Variants in NPAS2 observed in about 807,000 individuals in gnomAD.
NPAS2 encodes the protein neuronal PAS domain protein 2.
A neutral mutation model predicts 107.5 loss-of-function variants in NPAS2; 23 were observed. The ratio of observed to expected loss-of-function variants is 0.21; its 90% CI spans 0.15 to 0.30. The LOEUF is 0.30. Among genes scored for constraint, NPAS2 ranks in the 10% least tolerant of loss-of-function variants. NPAS2 has a pLI of 1.00. For synonymous variants in NPAS2, 403 were observed against 417.5 expected (o/e 0.97, Z 0.42); for missense variants, 756 against 1,043.3 (o/e 0.72, Z 3.79).
intron 1 of NPAS2, among the ~76,000 whole-genome samples, chr2:100,862,698 T>C (rs933503388): frequency 6.6e-6 from 1 of 152,238 alleles, no homozygotes; most frequent in Non-Finnish European, 1.5e-5. Context: ...CCGTTCCTTT[T>C]TCACACCTGA....
intron 5 of NPAS2, among the ~76,000 whole-genome samples, chr2:100,942,175 T>G (rs1674614566): frequency 1.3e-5 from 2 of 152,092 alleles, no homozygotes; most frequent in African/African-American, 4.8e-5. Flanking sequence ...TCATGCTGGC[T>G]CGCCAGGTAC....
chr2:100,869,935 C>CG (rs1161106480), intron 1 of NPAS2, among the ~76,000 whole-genome samples: 3 of 137,788 alleles, frequency 2.2e-5, no homozygotes, highest in African/African-American at 8.2e-5. Flanking sequence ...GATGGAGTCT[C>CG]GCTCTGTCGC....
intron 1 of NPAS2, among the ~76,000 whole-genome samples, chr2:100,842,145 G>C (rs573480349): frequency 1.3e-5 from 2 of 151,936 alleles, no homozygotes; most frequent in South Asian, 4.1e-4. Context: ...CTGCAGCACT[G>C]TCTTCCTAGG....
chr2:100,839,755 A>AT (rs1313954471), intron 1 of NPAS2, among the ~76,000 whole-genome samples: 4 of 151,972 alleles, frequency 2.6e-5, no homozygotes, highest in Non-Finnish European at 5.9e-5. Flanking sequence ...AATCCTTCGA[A>AT]TTTTTTATGC....
In NPAS2 at chr2:100,863,717, GT is replaced by G. The variant is rs1173841933; in HGVS notation, c.-22-41009del. Among the ~76,000 whole-genome samples the G allele has an allele frequency of 6.6e-5, 10 of 152,214 alleles. No individual in the cohort carries two copies. The East Asian group carries it at 1.4e-3, about 21-fold the overall frequency. Reference sequence around the variant, plus strand: ...CATTTTCACGCAATGGTGAAGACATGTTTTTTTGTGCAAATATTTTATATCT... The same window carrying G: ...CATTTTCACGCAATGGTGAAGACATGTTTTTTGTGCAAATATTTTATATCT... On this transcript the variant is annotated intron_variant, in intron 1 of 20. Transcript: ENST00000335681.
intron 12 of NPAS2, among the ~76,000 whole-genome samples, chr2:100,974,396 G>A (rs1422280122): frequency 6.6e-6 from 1 of 152,154 alleles, no homozygotes; most frequent in East Asian, 1.9e-4. Flanking sequence ...AAGGACCCAG[G>A]AAGGTCCAAA....
intron 1 of NPAS2, among the ~76,000 whole-genome samples, chr2:100,894,757 T>A (rs938470131): frequency 6.7e-6 from 1 of 149,146 alleles, no homozygotes; most frequent in Non-Finnish European, 1.5e-5. Context: ...CAAGGAAGAG[T>A]CTTTGATGTG....
chr2:100,968,458 G>T lies in NPAS2; in HGVS notation c.1055+30G>T, dbSNP rs149009421. 1.2e-5 allele frequency: 19 copies of T among 1,604,526 alleles called. No individual in the cohort carries two copies. Among genetic ancestry groups the T allele is most frequent in the Non-Finnish European group, 1.5e-5 (18 of 1,173,468 alleles). ...CGCGCACGGGCAGGGGTGCGGCTGC[G>T]TCCTTGTCGCACCTGGGGGAGGGGT... is the stretch of plus-strand genomic sequence containing the variant. On this transcript the variant is annotated intron_variant, in intron 11 of 20. Transcript: ENST00000335681. This position sits in a 1 kb window ranked among gnomAD's most constrained non-coding sequence, Gnocchi z 5.3.
chr2:100,988,714 G>A (rs758093260), intron 17 of NPAS2: 51 of 327,098 alleles, frequency 1.6e-4, no homozygotes, highest in Non-Finnish European at 2.7e-4. Context: ...CTTGCCCCAG[G>A]TGCCCCCTGC....
intron 7 of NPAS2, among the ~76,000 whole-genome samples, chr2:100,956,195 G>A (rs560265761): frequency 9.2e-5 from 14 of 152,206 alleles, no homozygotes; most frequent in African/African-American, 2.9e-4. Context: ...CACAAGCCAC[G>A]CACCCGGCTT....
intron 1 of NPAS2, among the ~76,000 whole-genome samples, chr2:100,835,130 C>T (rs1676977847): frequency 6.6e-6 from 1 of 152,174 alleles, no homozygotes; most frequent in African/African-American, 2.4e-5. Flanking sequence ...CGAGTTTGCT[C>T]ATTTGCTTTG....
intron 1 of NPAS2, among the ~76,000 whole-genome samples, chr2:100,853,739 C>A (rs999739656): frequency 6.6e-6 from 1 of 152,036 alleles, no homozygotes; most frequent in Admixed American, 6.6e-5. Flanking sequence ...CAAAGGGGAG[C>A]CCCAGGGGCA....
At chr2:100,910,790 A>T (rs1682495702) in intron 2 of NPAS2, among the ~76,000 whole-genome samples, 1 of 152,060 alleles carries the variant, frequency 6.6e-6, no homozygotes, top group Non-Finnish European at 1.5e-5. Flanking sequence ...AGCCTCCCAT[A>T]ATGTTGGGAT....
intron 6 of NPAS2, among the ~76,000 whole-genome samples, chr2:100,948,990 C>A (rs912719250): frequency 6.6e-6 from 1 of 152,250 alleles, no homozygotes; most frequent in African/African-American, 2.4e-5. Context: ...TCTGTCCTGT[C>A]GTACATCTGA....
At chr2:100,992,419 T>G (rs1244796800) in intron 19 of NPAS2, among the ~76,000 whole-genome samples, 1 of 152,192 alleles carries the variant, frequency 6.6e-6, no homozygotes, top group African/African-American at 2.4e-5. Context: ...CAAAATCTCT[T>G]GTTGAATTGT....
intron 1 of NPAS2, among the ~76,000 whole-genome samples, chr2:100,835,843 C>G (rs905703206): frequency 6.6e-6 from 1 of 152,128 alleles, no homozygotes; most frequent in Non-Finnish European, 1.5e-5. Flanking sequence ...CAGGGTCACC[C>G]CAAAACATAT....
intron 1 of NPAS2, among the ~76,000 whole-genome samples, chr2:100,832,725 G>GC (rs111743519): frequency 0.57 from 86,651 of 151,870 alleles, 25,583 homozygotes; most frequent in East Asian, 0.75. Flanking sequence ...CAATGGGGGT[G>GC]CTAGTGCAGG....
At chr2:100,821,006 C>A in intron 1 of NPAS2, 1 of 1,285,634 alleles carries the variant, frequency 7.8e-7, no homozygotes, top group Non-Finnish European at 1.0e-6. Context: ...CCCACCCCAA[C>A]TCCGGAGCTC....
chr2:100,913,002 C>T (rs533935669), intron 2 of NPAS2, among the ~76,000 whole-genome samples: 21 of 152,260 alleles, frequency 1.4e-4, no homozygotes, highest in African/African-American at 2.2e-4. Flanking sequence ...AGGTGCCGAA[C>T]GAGGATGAGA....
Sources: allele counts gnomAD v4.1 joint callset (sites outside exome capture counted in the v4.1 genomes callset), GRCh38; gene constraint gnomAD v4.1.1; non-coding constraint Gnocchi (gnomAD v3.1); transcripts MANE v1.5; gene names NCBI Gene and HGNC (gene_info 2026-07-23, HGNC 2026-07-21).